COL21A1: variants seen among roughly 807,000 people sequenced by gnomAD.
The protein encoded by COL21A1 is collagen alpha-1(XXI) chain.
Under a neutral mutation model 137.9 loss-of-function variants are expected in COL21A1, and 149 were observed. The observed-to-expected ratio is 1.08, with a 90% CI of 0.95 to 1.24. The LOEUF is 1.24. COL21A1 is among the 50% of genes most tolerant of loss of function. The probability of loss-of-function intolerance (pLI) is 0.00; values close to 1 mark genes in which losing one functional copy is unlikely to be tolerated. For missense variants in COL21A1, 1,167 were observed against 1,158.4 expected (o/e 1.01, Z -0.11); for synonymous variants, 456 against 391.5 (o/e 1.16, Z -1.95).
chr6:56,157,148 T>C (rs1225413552), intron 9 of COL21A1, among the ~76,000 whole-genome samples, 199 bp from the exon 10 acceptor site: 1 of 152,200 alleles, frequency 6.6e-6, no homozygotes, highest in Non-Finnish European at 1.5e-5. Flanking sequence ...CAATGATTTA[T>C]TTATGTGACC....
chr6:56,091,188 G>T (rs910503487), intron 17 of COL21A1, among the ~76,000 whole-genome samples: 3 of 152,120 alleles, frequency 2.0e-5, no homozygotes, highest in Admixed American at 6.6e-5. Flanking sequence ...CTGCATATAT[G>T]CATAAAACTG....
chr6:56,082,167 C>T (rs1582276907), intron 17 of COL21A1, among the ~76,000 whole-genome samples: 1 of 151,816 alleles, frequency 6.6e-6, no homozygotes, highest in African/African-American at 2.4e-5. Context: ...CAGACAAGGA[C>T]GAAGACTATC....
rs1766100328 is a variant in COL21A1 at position 56,366,313 on chromosome 6, C to A, written c.-39+27658G>T. Reference sequence around the variant, plus strand: ...CTCCCTCCTCCCATAACAACCCTCTCTGCAAGTCAGAGATCACTGGTCTTA... The same window carrying A: ...CTCCCTCCTCCCATAACAACCCTCTATGCAAGTCAGAGATCACTGGTCTTA... On this transcript the variant is annotated intron_variant, in intron 1 of 28. Coordinates refer to the COL21A1 transcript ENST00000370819. 2.6e-5 allele frequency among the ~76,000 whole-genome samples: 4 copies of A among 152,178 alleles called. 1 individual carries two copies. In the South Asian group the frequency reaches 8.3e-4, roughly 32 times the overall value.
At chr6:56,141,635 G>T in intron 12 of COL21A1, 150 bp downstream of exon 12, 1 of 731,322 alleles carries the variant, frequency 1.4e-6, no homozygotes, top group Non-Finnish European at 2.3e-6. Flanking sequence ...CCTTCTATAA[G>T]CTTTATTGTC....
chr6:56,216,373 C>G (rs1925143), intron 1 of COL21A1, among the ~76,000 whole-genome samples: 99,403 of 151,846 alleles, frequency 0.65, 32,987 homozygotes, highest in East Asian at 0.86. Context: ...ACCAAGTAGA[C>G]CCAAAAGTTG....
At chr6:56,148,960 GC>G (rs1775062599) in intron 10 of COL21A1, among the ~76,000 whole-genome samples, 1 of 152,204 alleles carries the variant, frequency 6.6e-6, no homozygotes, top group Non-Finnish European at 1.5e-5. Flanking sequence ...CACTCCAGAA[GC>G]AGGGCTGTCA....
At chr6:56,277,037 G>T (rs1304170581) in intron 1 of COL21A1, among the ~76,000 whole-genome samples, 4 of 151,656 alleles carry the variant, frequency 2.6e-5, no homozygotes, top group Non-Finnish European at 5.9e-5. Flanking sequence ...AGCCAGGATG[G>T]TCTCAATCTC....
intron 17 of COL21A1, 63 bp downstream of exon 17, chr6:56,101,408 CA>C: frequency 7.9e-7 from 1 of 1,269,558 alleles, no homozygotes; most frequent in Non-Finnish European, 1.1e-6. Flanking sequence ...TTTAAATAAC[CA>C]AAAAGGATTT....
chr6:56,282,146 G>GTAT (rs943898961), intron 1 of COL21A1, among the ~76,000 whole-genome samples: 2 of 152,088 alleles, frequency 1.3e-5, no homozygotes, highest in Non-Finnish European at 2.9e-5. Flanking sequence ...ACAAAAGTCT[G>GTAT]TATTTCTAGA....
intron 16 of COL21A1, among the ~76,000 whole-genome samples, chr6:56,104,607 T>C (rs1250823927): frequency 6.6e-6 from 1 of 152,172 alleles, no homozygotes; most frequent in Non-Finnish European, 1.5e-5. Flanking sequence ...TGAAAAAGTA[T>C]AAAACATGGT....
chr6:56,225,735 A>G (rs1781143614), intron 1 of COL21A1: 1 of 152,072 alleles, frequency 6.6e-6, no homozygotes, highest in Admixed American at 6.6e-5. Flanking sequence ...TTACTTTAAA[A>G]AGACAAGAAA....
chr6:56,373,245 GC>G, intron 1 of COL21A1, among the ~76,000 whole-genome samples: 1 of 152,296 alleles, frequency 6.6e-6, no homozygotes, highest in African/African-American at 2.4e-5. Flanking sequence ...TGATGCTCTG[GC>G]CACCCTAGGG....
chr6:56,070,084 G>C (rs1028010303), intron 21 of COL21A1, among the ~76,000 whole-genome samples: 6 of 151,434 alleles, frequency 4.0e-5, no homozygotes, highest in Admixed American at 2.0e-4. Context: ...ATAATGCATT[G>C]ACATATTTAG....
intron 1 of COL21A1, among the ~76,000 whole-genome samples, chr6:56,281,484 G>A (rs546557615): frequency 6.6e-6 from 1 of 152,130 alleles, no homozygotes; most frequent in South Asian, 2.1e-4. Flanking sequence ...ACCTCAACAA[G>A]CAGAAAATGT....
chr6:56,239,966 A>G (rs1477699568), intron 1 of COL21A1, among the ~76,000 whole-genome samples: 2 of 152,108 alleles, frequency 1.3e-5, no homozygotes, highest in African/African-American at 4.8e-5. Flanking sequence ...GAGATAATTG[A>G]ATCATGGGGA....
intron 12 of COL21A1, among the ~76,000 whole-genome samples, chr6:56,136,799 C>T (rs1444386887): frequency 6.6e-6 from 1 of 152,074 alleles, no homozygotes; most frequent in East Asian, 1.9e-4. Flanking sequence ...ATACATTTTG[C>T]AATTTAAAGG....
chr6:56,221,445 G>A (rs987325372), intron 1 of COL21A1, among the ~76,000 whole-genome samples: 32 of 152,168 alleles, frequency 2.1e-4, no homozygotes, highest in East Asian at 1.4e-3. Context: ...GAAAAGGGTC[G>A]GGCACGGTGG....
At chr6:56,098,096 A>T (rs369328113) in intron 17 of COL21A1, among the ~76,000 whole-genome samples, 1 of 20 alleles carries the variant, frequency 0.05, no homozygotes. Flanking sequence ...AATATATATA[A>T]ATATATAAAT....
intron 3 of COL21A1, among the ~76,000 whole-genome samples, chr6:56,175,398 A>G: frequency 6.6e-6 from 1 of 152,120 alleles, no homozygotes; most frequent in East Asian, 1.9e-4. Flanking sequence ...ATTATACATA[A>G]AAGACTCCAT....
Sources: gnomAD v4.1 joint callset for allele counts (sites outside exome capture counted in the v4.1 genomes callset) on GRCh38, gnomAD v4.1.1 for gene constraint, MANE v1.5 for transcripts, NCBI Gene and HGNC (gene_info 2026-07-23, HGNC 2026-07-21) for gene names.